IFT81: variants seen among roughly 807,000 people sequenced by gnomAD.
IFT81 encodes intraflagellar transport 81.
A neutral mutation model predicts 102.6 loss-of-function variants in IFT81; 72 were observed. The ratio of observed to expected loss-of-function variants is 0.70; its 90% CI spans 0.58 to 0.85. IFT81 has a LOEUF of 0.85. IFT81 is among the 40% of genes least tolerant of loss of function. The pLI, the probability that IFT81 is intolerant of heterozygous loss-of-function variation, is 0.00. For missense variants in IFT81, 723 were observed against 787.3 expected (o/e 0.92, Z 0.98); for synonymous variants, 237 against 242.7 (o/e 0.98, Z 0.22).
At chr12:110,167,856 T>C in intron 11 of IFT81, 2 of 308,782 alleles carry the variant, frequency 6.5e-6, no homozygotes, top group South Asian at 2.6e-5. Flanking sequence ...TCTTTTTTTT[T>C]TTTTTTTTCC....
chr12:110,199,869 G>A (rs894383652), intron 14 of IFT81, among the ~76,000 whole-genome samples: 25 of 152,090 alleles, frequency 1.6e-4, no homozygotes, highest in African/African-American at 5.8e-4. Context: ...GTCATTCTCG[G>A]GATGGTGTTA....
At chr12:110,182,398 A>G (rs1897341689) in intron 12 of IFT81, among the ~76,000 whole-genome samples, 1 of 152,156 alleles carries the variant, frequency 6.6e-6, no homozygotes, top group Non-Finnish European at 1.5e-5. Context: ...TTTACTATCC[A>G]TTCTAGAGTT....
chr12:110,132,525 A>C (rs758359993), intron 4 of IFT81, 22 bp from the exon 5 acceptor site: 2 of 1,081,624 alleles, frequency 1.8e-6, no homozygotes, highest in South Asian at 2.9e-5. Flanking sequence ...TTAGTTTATA[A>C]TTTCTTAACT....
chr12:110,213,760 T>C (rs780675267), intron 18 of IFT81, among the ~76,000 whole-genome samples: 10 of 152,242 alleles, frequency 6.6e-5, no homozygotes, highest in Non-Finnish European at 1.0e-4. Context: ...AGTAATCTTA[T>C]GACTTTTAGA....
At chr12:110,164,022 T>G (rs1896303048) in intron 11 of IFT81, among the ~76,000 whole-genome samples, 1 of 152,170 alleles carries the variant, frequency 6.6e-6, no homozygotes. Context: ...TACAAAAATC[T>G]ATATTTGTTG....
At chr12:110,173,290 G>T (rs1428195632) in intron 11 of IFT81, among the ~76,000 whole-genome samples, 2 of 149,520 alleles carry the variant, frequency 1.3e-5, no homozygotes, top group Admixed American at 1.3e-4. Flanking sequence ...CCCCTACTGG[G>T]AAGTGAGGAG....
At chr12:110,178,698 C>T (rs916255310) in intron 11 of IFT81, among the ~76,000 whole-genome samples, 2 of 133,918 alleles carry the variant, frequency 1.5e-5, no homozygotes, top group African/African-American at 2.8e-5. Context: ...TCACTGCAAC[C>T]TCCGCCTCCC....
intron 11 of IFT81, chr12:110,168,390 G>A (rs1388782347): frequency 5.9e-6 from 2 of 340,998 alleles, no homozygotes; most frequent in African/African-American, 2.2e-5. Flanking sequence ...GGGGCACTGT[G>A]CTTAAACAAA....
At chr12:110,183,752 G>A (rs1379591211) in intron 12 of IFT81, among the ~76,000 whole-genome samples, 2 of 152,180 alleles carry the variant, frequency 1.3e-5, no homozygotes, top group African/African-American at 4.8e-5. Context: ...CCAGGGCCTT[G>A]ACCAACAAGC....
chr12:110,167,019 G>T (rs1263949469), intron 11 of IFT81, among the ~76,000 whole-genome samples: 1 of 151,904 alleles, frequency 6.6e-6, no homozygotes, highest in African/African-American at 2.4e-5. Flanking sequence ...CTTTTTAGAG[G>T]TCCATTAGCA....
At chr12:110,213,166 G>A (rs1481643837) in intron 18 of IFT81, among the ~76,000 whole-genome samples, 2 of 151,962 alleles carry the variant, frequency 1.3e-5, no homozygotes, top group African/African-American at 4.8e-5. Flanking sequence ...TGATTTATTT[G>A]TTTGAATCAG....
At chr12:110,180,657 A>G (rs1277117856) in intron 12 of IFT81, 86 bp downstream of exon 12, 2 of 918,232 alleles carry the variant, frequency 2.2e-6, no homozygotes, top group Non-Finnish European at 3.2e-6. Context: ...CATTGTTTTT[A>G]CTGGAAAAAT....
chr12:110,131,206 C>T (rs947870684), intron 4 of IFT81, among the ~76,000 whole-genome samples: 2 of 151,840 alleles, frequency 1.3e-5, no homozygotes, highest in African/African-American at 4.8e-5. Context: ...CACCTAAGCC[C>T]AGGGAGGTCG....
chr12:110,144,351 G>A (rs1230321077), intron 9 of IFT81, among the ~76,000 whole-genome samples: 1 of 151,930 alleles, frequency 6.6e-6, no homozygotes, highest in Non-Finnish European at 1.5e-5. Flanking sequence ...TGAGTAGCTG[G>A]GATTACAGGC....
intron 1 of IFT81, among the ~76,000 whole-genome samples, chr12:110,126,209 C>A (rs183919653): frequency 1.1e-3 from 157 of 147,306 alleles, no homozygotes; most frequent in African/African-American, 3.7e-3. Context: ...ACCTGGGAGG[C>A]GGAGCTTGCA....
At position 110,132,537 on chromosome 12, in the gene IFT81, A is replaced by C. The variant is rs906745834; in HGVS notation, c.430-10A>C. On this transcript the variant is annotated splice_polypyrimidine_tract_variant and intron_variant, in intron 4 of 18. Transcript: ENST00000242591. ...TTATTAGTTTATAATTTCTTAACTT[A>C]TTCTTCTAGTATGAAGAGTTAATGG... 7 of 1,215,960 alleles carry C rather than the reference A, an allele frequency of 5.8e-6. No homozygotes were observed. The East Asian group carries it at 1.7e-4, about 29-fold the overall frequency. 75.3% of individuals were successfully genotyped at this position (1,215,960 alleles called of 1,614,324 possible). A position where few individuals can be genotyped will look rare whatever the true frequency, so the allele number is the denominator to read the frequency against.
intron 14 of IFT81, among the ~76,000 whole-genome samples, chr12:110,201,383 CAA>C (rs996083880): frequency 7.4e-4 from 100 of 135,454 alleles, no homozygotes; most frequent in African/African-American, 2.6e-3. Flanking sequence ...GCCTGGGCGA[CAA>C]GAGAAAGCTC....
intron 11 of IFT81, among the ~76,000 whole-genome samples, chr12:110,164,720 C>A (rs1315700042): frequency 6.6e-6 from 1 of 152,114 alleles, no homozygotes; most frequent in Non-Finnish European, 1.5e-5. Flanking sequence ...GAAAAATTCC[C>A]TTGGCTTTTA....
intron 18 of IFT81, among the ~76,000 whole-genome samples, chr12:110,210,331 G>A (rs1017385149): frequency 3.3e-5 from 5 of 152,266 alleles, no homozygotes; most frequent in African/African-American, 1.2e-4. Context: ...GATTGATTTA[G>A]ATGAGTTATA....
Sources: gnomAD v4.1 joint callset for allele counts (sites outside exome capture counted in the v4.1 genomes callset) on GRCh38, gnomAD v4.1.1 for gene constraint, MANE v1.5 for transcripts, NCBI Gene and HGNC (gene_info 2026-07-23, HGNC 2026-07-21) for gene names.